The following CRACD variants were observed in gnomAD, a reference collection of about 807,000 sequenced individuals.
CRACD encodes the protein capping protein inhibiting regulator of actin dynamics, also known as capping protein-inhibiting regulator of actin dynamics.
CRACD carries 56 observed loss-of-function variants against 106.8 expected under a neutral mutation model. That is an observed-to-expected ratio of 0.52 (90% confidence interval 0.42 to 0.66). CRACD has a LOEUF of 0.66. Among genes scored for constraint, CRACD ranks in the 30% least tolerant of loss-of-function variants. The pLI is 0.00. For synonymous variants in CRACD, 754 were observed against 670.8 expected, an observed-to-expected ratio of 1.12 and a Z score of -1.92; for missense variants, 1,730 against 1,623.2, an observed-to-expected ratio of 1.07 and a Z score of -1.13.
At chr4:56,317,389 A>T (rs1339200001) in intron 8 of CRACD, among the ~76,000 whole-genome samples, 1 of 152,230 alleles carries the variant, frequency 6.6e-6, no homozygotes, top group African/African-American at 2.4e-5. Flanking sequence ...AATTTGGGAA[A>T]TGCTGACCAA....
intron 1 of CRACD, among the ~76,000 whole-genome samples, chr4:56,069,432 A>G (rs1021571789): frequency 4.6e-5 from 7 of 152,168 alleles, no homozygotes; most frequent in African/African-American, 1.7e-4. Flanking sequence ...GGAGAAGAGA[A>G]TAAGTTTATG....
Position 56,112,527 on chromosome 4 carries a change from TTGGG to T in CRACD, c.-336+63229_-336+63232del, listed in dbSNP as rs1403819079. Among the ~76,000 whole-genome samples, 4 of 43,724 alleles carry T rather than the reference TTGGG, an allele frequency of 9.1e-5. No homozygotes were observed. The African/African-American group carries it at 1.0e-3, about 11-fold the overall frequency. The allele number at this position is 43,724 out of a possible 152,430, so 28.7% of individuals were successfully genotyped here. On this transcript the variant is annotated intron_variant, in intron 1 of 10. Coordinates refer to ENST00000682029, the MANE Select transcript of CRACD (RefSeq NM_001393381.1). Reference sequence around the variant, plus strand: ...GGAAAGGAATGTTAGCTCTGGCTAGTTGGGGGGACCTCTTCCAGACCCCTCAGGA... The same window carrying T: ...GGAAAGGAATGTTAGCTCTGGCTAGTGGGACCTCTTCCAGACCCCTCAGGA...
At chr4:56,098,611 CA>C (rs1256897816) in intron 1 of CRACD, among the ~76,000 whole-genome samples, 2 of 152,266 alleles carry the variant, frequency 1.3e-5, no homozygotes, top group East Asian at 3.9e-4. Context: ...TTACTAATAA[CA>C]AGAACTTAAA....
chr4:56,323,690 T>A, intron 9 of CRACD, 123 bp downstream of exon 9: 2 of 907,990 alleles, frequency 2.2e-6, no homozygotes, highest in Non-Finnish European at 3.2e-6. Flanking sequence ...GGCCAAGCAG[T>A]AAATAAACTG....
At chr4:56,150,738 A>T (rs568263257) in intron 1 of CRACD, among the ~76,000 whole-genome samples, 1 of 152,234 alleles carries the variant, frequency 6.6e-6, no homozygotes, top group South Asian at 2.1e-4. Flanking sequence ...TTGCATTACT[A>T]TATGGTAGTC....
intron 1 of CRACD, among the ~76,000 whole-genome samples, chr4:56,176,880 A>T (rs28759499): frequency 6.6e-6 from 1 of 152,036 alleles, no homozygotes; most frequent in Non-Finnish European, 1.5e-5. Context: ...CTGTTGGCAT[A>T]TAGAAATACT....
At chr4:56,220,328 T>C (rs946823053) in intron 2 of CRACD, among the ~76,000 whole-genome samples, 6 of 152,244 alleles carry the variant, frequency 3.9e-5, no homozygotes, top group Admixed American at 3.3e-4. Context: ...CAGTCTCTGC[T>C]CTTGTAACCA....
At chr4:56,237,721 TACACACACACACACACAC>T (rs36207795) in intron 2 of CRACD, among the ~76,000 whole-genome samples, 1 of 144,310 alleles carries the variant, frequency 6.9e-6, no homozygotes, top group Non-Finnish European at 1.5e-5. Flanking sequence ...AGATATTACA[TACACACACACACACACAC>T]ACACACACAC....
At position 56,296,874 on chromosome 4, in the gene CRACD, G is replaced by A. The variant is rs150300687; in HGVS notation, c.-16-1340G>A. ...TTGCTTCCTTACTGCTATCTTACTC[G>A]CTTACTTCTGCTGCTTCCTCTTTGT... On this transcript the variant is annotated intron_variant, in intron 3 of 10. Transcript: ENST00000682029. Among the ~76,000 whole-genome samples the A allele has an allele frequency of 1.5e-3, 222 of 151,752 alleles. 1 individual carries two copies. The highest frequency in any genetic ancestry group is 4.9e-3 in the African/African-American group (201 of 41,346).
At chr4:56,289,159 T>A (rs538682636) in intron 3 of CRACD, among the ~76,000 whole-genome samples, 15 of 152,134 alleles carry the variant, frequency 9.9e-5, no homozygotes, top group Non-Finnish European at 2.9e-5. Context: ...ATATGAAGTT[T>A]AGGATGATGA....
At chr4:56,282,518 C>T (rs1743091516) in intron 3 of CRACD, among the ~76,000 whole-genome samples, 1 of 152,192 alleles carries the variant, frequency 6.6e-6, no homozygotes, top group African/African-American at 2.4e-5. Context: ...ATCAGAACTA[C>T]TAGCATCTTC....
At chr4:56,261,273 A>G (rs1465688816) in intron 2 of CRACD, among the ~76,000 whole-genome samples, 1 of 152,034 alleles carries the variant, frequency 6.6e-6, no homozygotes, top group East Asian at 1.9e-4. Context: ...CACAACCCAC[A>G]CATCTTCTAG....
At chr4:56,308,464 A>G (rs1285786629) in intron 5 of CRACD, among the ~76,000 whole-genome samples, 2 of 141,518 alleles carry the variant, frequency 1.4e-5, no homozygotes, top group African/African-American at 5.1e-5. Flanking sequence ...CTGGGGTTTC[A>G]CTTTAAAAAA....
intron 1 of CRACD, among the ~76,000 whole-genome samples, chr4:56,062,450 T>C (rs990019788): frequency 2.0e-5 from 3 of 152,196 alleles, no homozygotes; most frequent in Admixed American, 2.0e-4. Context: ...TTTTCCCTGG[T>C]GATACGAAAT....
chr4:56,213,827 A>AT (rs1560486036), intron 2 of CRACD, among the ~76,000 whole-genome samples: 3 of 152,252 alleles, frequency 2.0e-5, no homozygotes, highest in Admixed American at 6.5e-5. Context: ...ACAGTTTACT[A>AT]TGGAGAAACC....
At chr4:56,262,975 G>A (rs1179581843) in intron 2 of CRACD, among the ~76,000 whole-genome samples, 1 of 152,152 alleles carries the variant, frequency 6.6e-6, no homozygotes, top group Non-Finnish European at 1.5e-5. Flanking sequence ...GGTCTATGTT[G>A]TTGAGCATCT....
intron 1 of CRACD, among the ~76,000 whole-genome samples, chr4:56,050,759 G>GAAA (rs34255159): frequency 2.2e-4 from 34 of 151,978 alleles, no homozygotes; most frequent in African/African-American, 7.7e-4. Context: ...AGTGGGCAGG[G>GAAA]AAAAAATCAT....
chr4:56,269,778 C>A (rs189023321), intron 2 of CRACD, among the ~76,000 whole-genome samples: 126 of 152,100 alleles, frequency 8.3e-4, no homozygotes, highest in African/African-American at 2.8e-3. Flanking sequence ...CACAATAACT[C>A]ATTCAATATC....
At position 56,316,042 on chromosome 4, in the gene CRACD, T is replaced by C. The variant is rs1745615239; in HGVS notation, c.2540T>C (p.Ile847Thr). 3 of 1,614,044 alleles carry C rather than the reference T, an allele frequency of 1.9e-6. No homozygotes were observed. The highest frequency in any genetic ancestry group is 2.5e-6 in the Non-Finnish European group (3 of 1,180,034). ...GAGGAAAAAGCCTCACCGTTTGGAA[T>C]AAAATTGAGAAGGACCAACTATTCC... Reference protein sequence around the residue: ...GGEEKASPFGIKLRRTNYSLR... With the variant: ...GGEEKASPFGTKLRRTNYSLR... Residue 847 changes from isoleucine to threonine, a missense_variant, in exon 8 of 11, where the codon ATA becomes ACA. This residue lies in a region of CRACD where 1,620 missense variants were observed against 1,481.6 expected (regional missense o/e 1.09). Transcript: ENST00000682029.
Sources: allele counts gnomAD v4.1 joint callset (sites outside exome capture counted in the v4.1 genomes callset), GRCh38; gene constraint gnomAD v4.1.1; regional missense constraint gnomAD v4.1.1; transcripts MANE v1.5; gene names NCBI Gene and HGNC (gene_info 2026-07-23, HGNC 2026-07-21).